Variants in CDK13 observed in about 807,000 individuals in gnomAD.
CDK13 encodes cyclin dependent kinase 13.
Under a neutral mutation model 137.6 loss-of-function variants are expected in CDK13, and 40 were observed. The observed-to-expected ratio is 0.29, with a 90% confidence interval of 0.23 to 0.38. CDK13 has a LOEUF of 0.38. Among genes scored for constraint, CDK13 ranks in the 10% least tolerant of loss-of-function variants. The probability of loss-of-function intolerance (pLI) is 1.00; values close to 1 mark genes in which losing one functional copy is unlikely to be tolerated. For synonymous variants in CDK13, 869 were observed against 760.1 expected, an observed-to-expected ratio of 1.14 and a Z score of -2.36; for missense variants, 1,704 against 1,951.8, an observed-to-expected ratio of 0.87 and a Z score of 2.39.
intron 7 of CDK13, among the ~76,000 whole-genome samples, chr7:40,057,081 C>T (rs144590116): frequency 1.3e-4 from 20 of 152,248 alleles, no homozygotes; most frequent in East Asian, 1.2e-3. Flanking sequence ...ATGGTGAAAC[C>T]GCATCTCTAC....
intron 2 of CDK13, among the ~76,000 whole-genome samples, chr7:39,990,147 C>A (rs1307744616): frequency 1.3e-5 from 2 of 151,986 alleles, no homozygotes; most frequent in East Asian, 3.9e-4. Context: ...AGAACTCTTA[C>A]GTATACATGT....
chr7:40,034,338 A>G (rs1017467787), intron 5 of CDK13, among the ~76,000 whole-genome samples: 16 of 152,186 alleles, frequency 1.1e-4, no homozygotes, highest in East Asian at 1.9e-4. Context: ...AATTTCTGCA[A>G]TGGCTTTACG....
intron 7 of CDK13, chr7:40,062,586 TCAA>T: frequency 2.4e-6 from 1 of 415,978 alleles, no homozygotes; most frequent in Non-Finnish European, 4.4e-6. Context: ...AGCCTATCAG[TCAA>T]CTACTTTTTG....
intron 2 of CDK13, among the ~76,000 whole-genome samples, chr7:39,997,233 TAC>T (rs1784583906): frequency 6.6e-6 from 1 of 152,170 alleles, no homozygotes; most frequent in African/African-American, 2.4e-5. Context: ...TCAATATTGA[TAC>T]AAAGTTATCA....
intron 1 of CDK13, among the ~76,000 whole-genome samples, chr7:39,974,424 C>T (rs1224754642): frequency 6.6e-6 from 1 of 151,830 alleles, no homozygotes; most frequent in East Asian, 1.9e-4. Context: ...GGATGTCTTT[C>T]CTTTTATTTA....
intron 1 of CDK13, among the ~76,000 whole-genome samples, chr7:39,981,792 C>CTTT (rs545024171): frequency 2.2e-5 from 3 of 136,304 alleles, no homozygotes; most frequent in African/African-American, 8.1e-5. Flanking sequence ...TCCAAAATAT[C>CTTT]TTTTTTTTTT....
In CDK13 at chr7:40,094,252, A is replaced by G; in HGVS notation, c.3811A>G (p.Thr1271Ala). 6.2e-7 allele frequency: 1 copy of G among 1,612,690 alleles called. No homozygotes were observed. The highest frequency in any genetic ancestry group is 8.5e-7 in the Non-Finnish European group (1 of 1,179,488). Residue 1271 changes from threonine to alanine, a missense_variant, in exon 14 of 14, where the codon ACT becomes GCT. By Grantham distance (58) the Thr-to-Ala change is moderately conservative. Transcript: ENST00000181839. ...CGAGCCTCCTGAACCACCACCAGTCACTGAGGAAGATCTAGATTATCGGAC... is the reference window on the plus strand; with the variant it reads ...CGAGCCTCCTGAACCACCACCAGTCGCTGAGGAAGATCTAGATTATCGGAC... ...PPEPPEPPPV[T>A]EEDLDYRTEN... is the part of the protein sequence containing the mutation.
rs377491906 is a variant in CDK13, at chr7:40,066,526, CTTT to C, written c.2780+3429_2780+3431del. Among the ~76,000 whole-genome samples the C allele has an allele frequency of 1.9e-4, 29 of 152,238 alleles. 1 individual carries two copies. Among genetic ancestry groups the C allele is most frequent in the African/African-American group, 7.0e-4 (29 of 41,556 alleles). ...TAGTTGTTAGTTTTCAATTTTTATG[CTTT>C]TTATTATTATAATTACATAGTTTAA... On this transcript the variant is annotated intron_variant, in intron 9 of 13. Coordinates refer to ENST00000181839, the MANE Select transcript of CDK13 (RefSeq NM_003718.5).
rs1355605048 is a variant in CDK13, at chr7:40,096,808, C to G, written c.*1828C>G. 1 of 151,816 alleles carries G rather than the reference C, an allele frequency of 6.6e-6. No homozygotes were observed. Among genetic ancestry groups the G allele is most frequent in the Non-Finnish European group, 1.5e-5 (1 of 67,910 alleles). The allele number at this position is 151,816 out of a possible 1,614,324, so 9.4% of individuals were successfully genotyped here. A position where few individuals can be genotyped will look rare whatever the true frequency, so the allele number is the denominator to read the frequency against. On this transcript the variant is annotated 3_prime_UTR_variant, in exon 14 of 14. Transcript: ENST00000181839. ...TGACCATTTTATTTTTTGATGGACTCTTTTTGTTGGGAGAAAGAAATGAAT... is the reference window on the plus strand; with the variant it reads ...TGACCATTTTATTTTTTGATGGACTGTTTTTGTTGGGAGAAAGAAATGAAT...
chr7:40,006,220 T>C (rs1175505348), intron 5 of CDK13, among the ~76,000 whole-genome samples: 1 of 152,200 alleles, frequency 6.6e-6, no homozygotes, highest in Non-Finnish European at 1.5e-5. Context: ...CCTTTCGTGT[T>C]CCTCTAGGTA....
chr7:40,083,034 C>T (rs946864084), intron 11 of CDK13, among the ~76,000 whole-genome samples: 5 of 147,690 alleles, frequency 3.4e-5, no homozygotes, highest in African/African-American at 5.0e-5. Flanking sequence ...GCTTGGGAAA[C>T]GGAGGCTGCA....
chr7:40,059,425 T>C (rs1364930375), intron 7 of CDK13: 2 of 152,382 alleles, frequency 1.3e-5, no homozygotes, highest in South Asian at 2.1e-4. Context: ...AGTGGCACGA[T>C]GTCAGCTCAC....
At chr7:39,958,063 C>T (rs1410297537) in intron 1 of CDK13, among the ~76,000 whole-genome samples, 2 of 152,078 alleles carry the variant, frequency 1.3e-5, no homozygotes, top group Non-Finnish European at 2.9e-5. Flanking sequence ...CCTTGAATTC[C>T]TGCACATTTA....
chr7:39,951,700 G>T lies in CDK13; in HGVS notation c.1059G>T (p.Arg353=). 6.8e-7 allele frequency: 1 copy of T among 1,467,508 alleles called. No homozygotes were observed. 90.9% of individuals were successfully genotyped at this position (1,467,508 alleles called of 1,614,324 possible). ...GAGGTGGCAGCAGCCCCTATTCTCG[G>T]CGGCTGCCGCGCTCCCCGAGCCCCT... ...PAGGGSSPYS[R]RLPRSPSPYS... is the part of the protein sequence containing the mutation. Residue 353 remains arginine (R), a synonymous_variant, in exon 1 of 14, where the codon CGG becomes CGT. Coordinates refer to ENST00000181839, the MANE Select transcript of CDK13 (RefSeq NM_003718.5).
At chr7:40,041,555 C>A (rs927993551) in intron 5 of CDK13, among the ~76,000 whole-genome samples, 2 of 152,062 alleles carry the variant, frequency 1.3e-5, no homozygotes, top group Admixed American at 1.3e-4. Flanking sequence ...TTTTAACTAG[C>A]CACATTTCAA....
intron 2 of CDK13, among the ~76,000 whole-genome samples, chr7:39,996,523 T>A (rs4723925): frequency 0.09 from 13,677 of 152,198 alleles, 991 homozygotes; most frequent in East Asian, 0.33. Flanking sequence ...AAAGCTGGAA[T>A]CTTAAAAAAA....
chr7:39,991,535 C>T (rs987841355), intron 2 of CDK13, among the ~76,000 whole-genome samples: 2 of 150,040 alleles, frequency 1.3e-5, no homozygotes, highest in Non-Finnish European at 3.0e-5. Context: ...TTTGGATGGC[C>T]TCTTGATTTT....
In CDK13 at chr7:40,097,157, A is replaced by G. The variant is rs542806220; in HGVS notation, c.*2177A>G. ...GAACTGTGTTTGGATAGTTTTTCTA[A>G]TCAAACATTTCAGTTATATATTTAT... is the stretch of plus-strand genomic sequence containing the variant. On this transcript the variant is annotated 3_prime_UTR_variant, in exon 14 of 14. Coordinates refer to ENST00000181839, the MANE Select transcript of CDK13 (RefSeq NM_003718.5). 4 of 152,240 alleles carry G rather than the reference A, an allele frequency of 2.6e-5. No individual in the cohort carries two copies. In the East Asian group the frequency reaches 7.7e-4, roughly 29 times the overall value. The allele number at this position is 152,240 out of a possible 1,614,324, so 9.4% of individuals were successfully genotyped here.
At chr7:40,021,153 A>T (rs1028313635) in intron 5 of CDK13, among the ~76,000 whole-genome samples, 1 of 151,152 alleles carries the variant, frequency 6.6e-6, no homozygotes, top group Non-Finnish European at 1.5e-5. Context: ...ACACACACAT[A>T]AAGTTTTAAG....
Sources: gnomAD v4.1 joint callset for allele counts (sites outside exome capture counted in the v4.1 genomes callset) on GRCh38, gnomAD v4.1.1 for gene constraint, MANE v1.5 for transcripts, NCBI Gene and HGNC (gene_info 2026-07-23, HGNC 2026-07-21) for gene names.